The following ALDH1L2 variants were observed in gnomAD, a reference collection of about 807,000 sequenced individuals.
ALDH1L2 encodes mitochondrial 10-formyltetrahydrofolate dehydrogenase.
ALDH1L2 carries 91 observed loss-of-function variants against 111.0 expected under a neutral mutation model. The ratio of observed to expected loss-of-function variants is 0.82; its 90% CI spans 0.69 to 0.98. The LOEUF is 0.98. Among genes scored for constraint, ALDH1L2 ranks in the 50% least tolerant of loss-of-function variants. The pLI, the probability that ALDH1L2 is intolerant of heterozygous loss-of-function variation, is 0.00. For missense variants in ALDH1L2, 995 were observed against 1,126.8 expected, an observed-to-expected ratio of 0.88 and a Z score of 1.67; for synonymous variants, 374 against 392.6, an observed-to-expected ratio of 0.95 and a Z score of 0.56.
At position 105,068,762 on chromosome 12, in the gene ALDH1L2, G is replaced by T. The variant is rs750978444; in HGVS notation, c.551C>A (p.Ala184Glu). ...AGGAAAAAGAAACCGATTATAAAGT[G>T]CATCCACTGTATCATTGGGTTCAAC... ...CDVEPNDTVD[A>E]LYNRFLFPEG... The change falls in exon 4 of 23, where the codon GCA becomes GAA. Residue 184 changes from alanine (A) to glutamate (E), a missense_variant. By Grantham distance (107) the Ala-to-Glu change is moderately radical. Transcript: ENST00000258494. The T allele has an allele frequency of 2.5e-6, 4 of 1,592,410 alleles. No individual in the cohort carries two copies. In the South Asian group the frequency reaches 3.5e-5, roughly 14 times the overall value.
Position 105,070,568 on chromosome 12 carries a change from A to C in ALDH1L2, c.428+2T>G. 1 of 1,598,404 alleles carries C rather than the reference A, an allele frequency of 6.3e-7. No homozygotes were observed. Among genetic ancestry groups the C allele is most frequent in the Admixed American group, 1.8e-5 (1 of 57,118 alleles). On this transcript the variant is annotated splice_donor_variant, in intron 3 of 22. Transcript: ENST00000258494. LOFTEE classifies it high-confidence loss of function. ...AAAAAAAGTAAAAAGAAAAAATCTC[A>C]CCAATTGATAGCAGAGGCTCCTCTG...
intron 6 of ALDH1L2, 50 bp downstream of exon 6, chr12:105,065,217 A>C: frequency 9.2e-7 from 1 of 1,081,298 alleles, no homozygotes; most frequent in Non-Finnish European, 1.3e-6. Context: ...TATCTCTTAC[A>C]AAGGTAATAA....
intron 11 of ALDH1L2, 72 bp downstream of exon 11, chr12:105,052,740 C>T: frequency 6.3e-7 from 1 of 1,578,576 alleles, no homozygotes; most frequent in South Asian, 1.2e-5. Flanking sequence ...CTTAAGACTG[C>T]CTCTTTTACA....
rs1167545233 is a variant in ALDH1L2, at chr12:105,022,193, A to G, written c.*2231T>C. On this transcript the variant is annotated 3_prime_UTR_variant, in exon 23 of 23. Coordinates refer to ENST00000258494, the MANE Select transcript of ALDH1L2 (RefSeq NM_001034173.4). ...TTACACAGAGCCTTTGATTCTGATC[A>G]GCCAGATCTAAAAATGTAAGCTGGT... 1 of 152,266 alleles carries G rather than the reference A, an allele frequency of 6.6e-6. No individual in the cohort carries two copies. Among genetic ancestry groups the G allele is most frequent in the Non-Finnish European group, 1.5e-5 (1 of 68,056 alleles). 9.4% of individuals were successfully genotyped at this position (152,266 alleles called of 1,614,324 possible).
chr12:105,052,099 A>T lies in ALDH1L2; in HGVS notation c.1526T>A (p.Leu509Ter), dbSNP rs753101375. 8 of 1,603,102 alleles carry T rather than the reference A, an allele frequency of 5.0e-6. No homozygotes were observed. The highest frequency in any genetic ancestry group is 5.1e-6 in the Non-Finnish European group (6 of 1,175,724). ...TAAAAAATAGAAATACCTATACATC[A>T]ATCTTCCTCTTTCTCTTGCATTCAT... is the stretch of plus-strand genomic sequence containing the variant. ...GRMNARERGR[L>*]MYRLADLLEE... The change falls in exon 12 of 23, where the codon TTG becomes TAG. Residue 509 changes from leucine (L) to a stop codon, truncating the protein, a stop_gained. Transcript: ENST00000258494. LOFTEE classifies it high-confidence loss of function.
At position 105,032,311 on chromosome 12, in the gene ALDH1L2, G is replaced by A. The variant is rs893927839; in HGVS notation, c.2245-377C>T. On this transcript the variant is annotated intron_variant, in intron 19 of 22. Transcript: ENST00000258494. Reference sequence around the variant, plus strand: ...TCATGTCTCAGCCTCCTGAGTAGCTGGGATTACAGGCGCCTGCCACTGCGT... The same window carrying A: ...TCATGTCTCAGCCTCCTGAGTAGCTAGGATTACAGGCGCCTGCCACTGCGT... Among the ~76,000 whole-genome samples, 5 of 151,654 alleles carry A rather than the reference G, an allele frequency of 3.3e-5. No homozygotes were observed. The South Asian group carries it at 1.0e-3, about 32-fold the overall frequency.
chr12:105,024,891 A>G (rs1874340028), intron 22 of ALDH1L2, among the ~76,000 whole-genome samples: 1 of 152,212 alleles, frequency 6.6e-6, no homozygotes, highest in Non-Finnish European at 1.5e-5. Flanking sequence ...CATTTAAACT[A>G]AACAGAAGTA....
At chr12:105,036,517 TATA>T (rs1875133241) in intron 18 of ALDH1L2, among the ~76,000 whole-genome samples, 4 of 4,702 alleles carry the variant, frequency 8.5e-4, no homozygotes, top group Admixed American at 2.5e-3. Context: ...ATATATTTTA[TATA>T]TATATATATA....
intron 12 of ALDH1L2, chr12:105,050,483 T>C: frequency 4.9e-6 from 1 of 206,144 alleles, no homozygotes; most frequent in Non-Finnish European, 1.0e-5. Flanking sequence ...CTGCAACAGA[T>C]TTCTGTTTGG....
intron 10 of ALDH1L2, among the ~76,000 whole-genome samples, chr12:105,055,873 A>G (rs1333713401): frequency 6.6e-6 from 1 of 152,160 alleles, no homozygotes; most frequent in Non-Finnish European, 1.5e-5. Context: ...AAGGAATAAG[A>G]ATAAAGAAAA....
chr12:105,045,166 C>T (rs1270791265), intron 15 of ALDH1L2, among the ~76,000 whole-genome samples: 1 of 152,156 alleles, frequency 6.6e-6, no homozygotes, highest in African/African-American at 2.4e-5. Context: ...TCACTGCAAC[C>T]TCTGCCTCCT....
Position 105,046,722 on chromosome 12 carries a change from G to C in ALDH1L2, c.1851C>G (p.Leu617=). Residue 617 remains leucine, a synonymous_variant, in exon 15 of 23, where the codon CTC becomes CTG. Coordinates refer to ENST00000258494, the MANE Select transcript of ALDH1L2 (RefSeq NM_001034173.4). ...TTTGTGGCCTTACCTGTGCTGGCTT[G>C]AGCACTAAGGTATTGCCTGCTGCCA... The part of the protein sequence containing the change: ...ACLAAGNTLV[L]KPAQVTPLTA... 6.2e-7 allele frequency: 1 copy of C among 1,613,976 alleles called. No individual in the cohort carries two copies. Among genetic ancestry groups the C allele is most frequent in the Non-Finnish European group, 8.5e-7 (1 of 1,179,970 alleles).
chr12:105,074,458 C>CA (rs59114614), intron 1 of ALDH1L2, among the ~76,000 whole-genome samples: 40 of 38,872 alleles, frequency 1.0e-3, no homozygotes, highest in South Asian at 5.3e-3. Context: ...ACTCTGTCTC[C>CA]AAAAAAAAAA....
At chr12:105,051,383 T>G in intron 12 of ALDH1L2, among the ~76,000 whole-genome samples, 1 of 152,146 alleles carries the variant, frequency 6.6e-6, no homozygotes, top group East Asian at 1.9e-4. Context: ...AGGCTGTGGT[T>G]CAGAAGCTGC....
chr12:105,081,792 T>A (rs1878347365), intron 1 of ALDH1L2, among the ~76,000 whole-genome samples: 1 of 152,242 alleles, frequency 6.6e-6, no homozygotes, highest in South Asian at 2.1e-4. Flanking sequence ...ATAAACTAAT[T>A]TTCCCCTTGG....
At chr12:105,063,114 G>A (rs1178937201) in intron 6 of ALDH1L2, 92 bp from the exon 7 acceptor site, 1 of 1,335,210 alleles carries the variant, frequency 7.5e-7, no homozygotes, top group Non-Finnish European at 1.0e-6. Flanking sequence ...AAACGCTGAA[G>A]TTCATATTAT....
In ALDH1L2 at chr12:105,047,963, A is replaced by G. The variant is rs1037324999; in HGVS notation, c.1687-994T>C. ...TGTAAATAAATATTATTAATAGATTATGTTCATTTAGGTCAGGGTTTGGCA... is the reference window on the plus strand; with the variant it reads ...TGTAAATAAATATTATTAATAGATTGTGTTCATTTAGGTCAGGGTTTGGCA... On this transcript the variant is annotated intron_variant, in intron 13 of 22. Transcript: ENST00000258494. The G allele has an allele frequency of 2.0e-5, 3 of 152,232 alleles. No individual in the cohort carries two copies. The South Asian group carries it at 6.2e-4, about 31-fold the overall frequency. The allele number at this position is 152,232 out of a possible 1,614,324, so 9.4% of individuals were successfully genotyped here. A position where few individuals can be genotyped will look rare whatever the true frequency, so the allele number is the denominator to read the frequency against.
At chr12:105,036,430 G>GTA (rs200963765) in intron 18 of ALDH1L2, among the ~76,000 whole-genome samples, 12,350 of 40,356 alleles carry the variant, frequency 0.31, 3,413 homozygotes, top group South Asian at 0.5. Flanking sequence ...TTATATATGT[G>GTA]TATATATTAT....
At chr12:105,062,707 C>G (rs193288305) in intron 7 of ALDH1L2, among the ~76,000 whole-genome samples, 181 bp downstream of exon 7, 4 of 152,316 alleles carry the variant, frequency 2.6e-5, no homozygotes, top group Non-Finnish European at 4.4e-5. Flanking sequence ...CCTCTTTCCA[C>G]TTTACACAAG....
Sources: allele counts gnomAD v4.1 joint callset (sites outside exome capture counted in the v4.1 genomes callset), GRCh38; gene constraint gnomAD v4.1.1; transcripts MANE v1.5; gene names NCBI Gene and HGNC (gene_info 2026-07-23, HGNC 2026-07-21).